Variants in RAB28 observed in about 807,000 individuals in gnomAD.
The protein encoded by RAB28 is RAB28, member RAS oncogene family.
In RAB28, 24 loss-of-function variants were observed where a neutral mutation model predicts 31.7. The observed-to-expected ratio is 0.76, with a 90% confidence interval of 0.55 to 1.06. RAB28 has a LOEUF of 1.06. Among genes scored for constraint, RAB28 ranks in the 50% least tolerant of loss-of-function variants. RAB28 has a pLI of 0.00. For missense variants in RAB28, 254 were observed against 258.5 expected (o/e 0.98, Z 0.12); for synonymous variants, 100 against 90.4 (o/e 1.11, Z -0.60).
Position 13,367,911 on chromosome 4 carries a change from C to T in RAB28, c.*647G>A, listed in dbSNP as rs565798003. 2.5e-5 allele frequency: 25 copies of T among 982,426 alleles called. No homozygotes were observed. Among genetic ancestry groups the T allele is most frequent in the Middle Eastern group, 5.2e-4 (1 of 1,914 alleles). 60.9% of individuals were successfully genotyped at this position (982,426 alleles called of 1,614,324 possible). ...AACCTGAGTATTACACAATACATAA[C>T]GACAACGATACAGTAATAAAAATAC... On this transcript the variant is annotated 3_prime_UTR_variant, in exon 7 of 7. Transcript: ENST00000330852.
intron 6 of RAB28, among the ~76,000 whole-genome samples, chr4:13,372,578 C>T (rs1220773757): frequency 1.3e-5 from 2 of 151,944 alleles, no homozygotes; most frequent in African/African-American, 4.8e-5. Flanking sequence ...CATTAAGCAA[C>T]GTTCAATATC....
intron 4 of RAB28, among the ~76,000 whole-genome samples, chr4:13,382,614 T>C (rs556761514): frequency 5.7e-4 from 86 of 152,084 alleles, no homozygotes; most frequent in South Asian, 2.5e-3. Flanking sequence ...GCTCAAGGGT[T>C]CTCTCTCTAG....
intron 2 of RAB28, among the ~76,000 whole-genome samples, chr4:13,475,647 G>A (rs758055942): frequency 6.6e-6 from 1 of 151,318 alleles, no homozygotes; most frequent in African/African-American, 2.4e-5. Flanking sequence ...TTTCCATGAG[G>A]AACTTCCATT....
At chr4:13,383,434 A>G (rs1446740421) in intron 4 of RAB28, among the ~76,000 whole-genome samples, 1 of 152,118 alleles carries the variant, frequency 6.6e-6, no homozygotes, top group Non-Finnish European at 1.5e-5. Flanking sequence ...TTTTTTCCTA[A>G]CAAATATAAC....
intron 4 of RAB28, among the ~76,000 whole-genome samples, chr4:13,411,006 C>T (rs1158612348): frequency 1.3e-5 from 2 of 151,950 alleles, no homozygotes; most frequent in Non-Finnish European, 2.9e-5. Context: ...CATCCAGATA[C>T]CACAGGCATT....
At position 13,484,305 on chromosome 4, in the gene RAB28, G is replaced by T; in HGVS notation, c.-155C>A. 2 of 633,396 alleles carry T rather than the reference G, an allele frequency of 3.2e-6. No individual in the cohort carries two copies. The highest frequency in any genetic ancestry group is 1.8e-5 in the South Asian group (1 of 56,668). 39.2% of individuals were successfully genotyped at this position (633,396 alleles called of 1,614,324 possible). A position where few individuals can be genotyped will look rare whatever the true frequency, so the allele number is the denominator to read the frequency against. On this transcript the variant is annotated 5_prime_UTR_variant, in exon 1 of 7. Coordinates refer to ENST00000330852, the MANE Select transcript of RAB28 (RefSeq NM_001017979.3). ...AGGAGGTATTCGAGGAGAATCACTC[G>T]GCAAGCGCCATCTTGCCCACCTCCC...
intron 5 of RAB28, among the ~76,000 whole-genome samples, chr4:13,378,921 T>C (rs1478076530): frequency 6.6e-6 from 1 of 151,938 alleles, no homozygotes; most frequent in Non-Finnish European, 1.5e-5. Flanking sequence ...AGCTATGAAA[T>C]AGTCATCGGC....
At chr4:13,460,867 T>C in intron 3 of RAB28, 39 bp from the exon 4 acceptor site, 1 of 1,581,696 alleles carries the variant, frequency 6.3e-7, no homozygotes, top group South Asian at 1.1e-5. Flanking sequence ...TAATGTATTA[T>C]TTGGTGAAAA....
At chr4:13,376,438 T>C in intron 6 of RAB28, 107 bp downstream of exon 6, 2 of 679,056 alleles carry the variant, frequency 2.9e-6, no homozygotes, top group Non-Finnish European at 4.9e-6. Flanking sequence ...CCAAAGCTTT[T>C]AGAGATACGT....
chr4:13,435,017 C>CAAAAAAAAA (rs991889676), intron 4 of RAB28, among the ~76,000 whole-genome samples: 4 of 47,020 alleles, frequency 8.5e-5, no homozygotes, highest in African/African-American at 1.4e-4. Context: ...GACTCCGTCT[C>CAAAAAAAAA]AAAAAAAAAA....
At chr4:13,474,628 C>A (rs1716268768) in intron 2 of RAB28, among the ~76,000 whole-genome samples, 1 of 151,460 alleles carries the variant, frequency 6.6e-6, no homozygotes, top group Non-Finnish European at 1.5e-5. Flanking sequence ...TTCCATGGAA[C>A]CATATTTACA....
chr4:13,484,302 C>T lies in RAB28; in HGVS notation c.-152G>A. 1.6e-6 allele frequency: 1 copy of T among 640,214 alleles called. No homozygotes were observed. 39.7% of individuals were successfully genotyped at this position (640,214 alleles called of 1,614,324 possible). A position where few individuals can be genotyped will look rare whatever the true frequency, so the allele number is the denominator to read the frequency against. ...GGCAGGAGGTATTCGAGGAGAATCA[C>T]TCGGCAAGCGCCATCTTGCCCACCT... On this transcript the variant is annotated 5_prime_UTR_variant, in exon 1 of 7. It adds an upstream start codon to the 5' untranslated region. Transcript: ENST00000330852.
intron 6 of RAB28, chr4:13,369,997 A>C: frequency 6.3e-7 from 1 of 1,589,970 alleles, no homozygotes; most frequent in East Asian, 2.2e-5. Context: ...AATGAGACAA[A>C]GAAAAAAGAA....
intron 4 of RAB28, among the ~76,000 whole-genome samples, chr4:13,422,102 G>GAC (rs1198425936): frequency 6.6e-6 from 1 of 150,688 alleles, no homozygotes; most frequent in Non-Finnish European, 1.5e-5. Flanking sequence ...GATATGAACA[G>GAC]ACACTTCTCT....
chr4:13,415,420 G>C (rs541976232), intron 4 of RAB28, among the ~76,000 whole-genome samples: 13 of 152,150 alleles, frequency 8.5e-5, no homozygotes, highest in Non-Finnish European at 1.8e-4. Context: ...GGCGGGAACC[G>C]GGGCTGCGCG....
chr4:13,381,892 T>C (rs1276263183), intron 4 of RAB28, among the ~76,000 whole-genome samples: 4 of 152,192 alleles, frequency 2.6e-5, no homozygotes, highest in African/African-American at 4.8e-5. Context: ...ATCATCTGTA[T>C]AAGTTCAGGC....
chr4:13,385,418 GA>G (rs1321600279), intron 4 of RAB28, among the ~76,000 whole-genome samples: 2 of 152,090 alleles, frequency 1.3e-5, no homozygotes, highest in Non-Finnish European at 2.9e-5. Context: ...CTCCAAGGTT[GA>G]AATAAAAGGA....
rs953503692 is a variant in RAB28 at position 13,439,386 on chromosome 4, G to C, written c.391+21313C>G. Among the ~76,000 whole-genome samples the C allele has an allele frequency of 7.3e-4, 111 of 152,142 alleles. 2 individuals carry two copies. Among genetic ancestry groups the C allele is most frequent in the African/African-American group, 2.6e-3 (107 of 41,490 alleles). On this transcript the variant is annotated intron_variant, in intron 4 of 6. Transcript: ENST00000330852. ...GTTTTTGTTTTTCAGACAAAGTCTC[G>C]CCCTGTCACCCAGGCTGGAGTGCAG...
intron 6 of RAB28, among the ~76,000 whole-genome samples, chr4:13,369,277 G>T (rs1316076921): frequency 6.6e-6 from 1 of 151,930 alleles, no homozygotes; most frequent in Non-Finnish European, 1.5e-5. Flanking sequence ...AGAGTATGAT[G>T]AAAAAATTTA....
Sources: allele counts gnomAD v4.1 joint callset (sites outside exome capture counted in the v4.1 genomes callset), GRCh38; gene constraint gnomAD v4.1.1; transcripts MANE v1.5; gene names NCBI Gene and HGNC (gene_info 2026-07-23, HGNC 2026-07-21).